CHD4: variants seen among roughly 807,000 people sequenced by gnomAD.
CHD4 encodes the protein chromodomain helicase DNA binding protein 4, also known as ATP-dependent chromatin remodeler CHD4.
In CHD4, 35 loss-of-function variants were observed where a neutral mutation model predicts 235.5. That is an observed-to-expected ratio of 0.15 (90% CI 0.11 to 0.20). CHD4 has a LOEUF of 0.20. Ranked by LOEUF, CHD4 falls within the 10% of genes least tolerant of loss-of-function variation. The pLI is 1.00. For missense variants in CHD4, 1,329 were observed against 2,432.3 expected, an observed-to-expected ratio of 0.55 and a Z score of 9.54; for synonymous variants, 900 against 850.2, an observed-to-expected ratio of 1.06 and a Z score of -1.02.
chr12:6,578,806 G>T, intron 34 of CHD4, 40 bp downstream of exon 34: 1 of 1,589,730 alleles, frequency 6.3e-7, no homozygotes, highest in Non-Finnish European at 8.6e-7. Context: ...TCTGGTTTTA[G>T]AGTTCTTCTG....
At chr12:6,577,433 A>AC (rs1404894703) in intron 37 of CHD4, among the ~76,000 whole-genome samples, 5 of 149,554 alleles carry the variant, frequency 3.3e-5, no homozygotes, top group Non-Finnish European at 7.5e-5. Flanking sequence ...AAAAAAAAAA[A>AC]AAAAAACAAC....
chr12:6,575,808 C>T (rs900237878), intron 37 of CHD4, among the ~76,000 whole-genome samples: 1 of 152,186 alleles, frequency 6.6e-6, no homozygotes, highest in Admixed American at 6.5e-5. Flanking sequence ...CTCGTTCCAA[C>T]CTACCTCCCA....
chr12:6,578,297 T>C, intron 35 of CHD4, 112 bp downstream of exon 35: 1 of 1,427,086 alleles, frequency 7.0e-7, no homozygotes, highest in Non-Finnish European at 9.7e-7. Context: ...CAGTTTGGCA[T>C]TCCCTCATCA....
At position 6,593,308 on chromosome 12, in the gene CHD4, T is replaced by C. The variant is rs1341936152; in HGVS notation, c.2515-80A>G. On this transcript the variant is annotated intron_variant, in intron 16 of 39. Coordinates refer to ENST00000544040, the MANE Select transcript of CHD4 (RefSeq NM_001273.5). The surrounding 1 kb of genome is among the most constrained non-coding windows in gnomAD (Gnocchi z 4.9). ...CCAGGAGACTGATGGAATGTTTTCC[T>C]CCTCCCAGGGTTACCCTTTTGCCTC... 1.1e-5 allele frequency: 18 copies of C among 1,604,170 alleles called. 1 individual carries two copies. In the Admixed American group the frequency reaches 3.0e-4, roughly 27 times the overall value.
At position 6,588,331 on chromosome 12, in the gene CHD4, A is replaced by G; in HGVS notation, c.3432T>C (p.Tyr1144=). The change falls in exon 23 of 40, where the codon TAT becomes TAC. Residue 1144 remains tyrosine (Y), a synonymous_variant. Transcript: ENST00000544040. ...NLATADTVII[Y]DSDWNPHNDI... ...CATTATGGGGGTTCCAGTCAGAGTC[A>G]TAGATAATAACTGTGTCAGCAGTGG... The G allele has an allele frequency of 1.2e-6, 2 of 1,614,194 alleles. No individual in the cohort carries two copies. The highest frequency in any genetic ancestry group is 1.7e-5 in the Admixed American group (1 of 60,020).
chr12:6,579,770 A>T (rs1253800888), intron 33 of CHD4, among the ~76,000 whole-genome samples: 3 of 146,236 alleles, frequency 2.1e-5, no homozygotes, highest in South Asian at 2.2e-4. Flanking sequence ...AAAAAAAAAA[A>T]TTTTGGCCAG....
Position 6,600,253 on chromosome 12 carries a change from C to T in CHD4, c.1206G>A (p.Glu402=). The change falls in exon 9 of 40, where the codon GAG becomes GAA. Residue 402 remains glutamate, a synonymous_variant. Transcript: ENST00000544040. Reference sequence around the variant, plus strand: ...AGCTCCACTTGCCCTCGGGAGCCTTCTCCATGTCGGGATCCAGGCAGACCA... The same window carrying T: ...AGCTCCACTTGCCCTCGGGAGCCTTTTCCATGTCGGGATCCAGGCAGACCA... The part of the protein sequence containing the change: ...YHMVCLDPDM[E]KAPEGKWSCP... 1 of 1,614,182 alleles carries T rather than the reference C, an allele frequency of 6.2e-7. No homozygotes were observed. The highest frequency in any genetic ancestry group is 1.1e-5 in the South Asian group (1 of 91,084).
intron 10 of CHD4, 105 bp from the exon 11 acceptor site, chr12:6,598,530 AC>A: frequency 9.9e-7 from 1 of 1,006,734 alleles, no homozygotes; most frequent in Non-Finnish European, 1.4e-6. Flanking sequence ...CTCATTTCAG[AC>A]CTGGAGCAGT....
intron 3 of CHD4, 70 bp downstream of exon 3, chr12:6,602,306 G>C: frequency 6.2e-7 from 1 of 1,606,476 alleles, no homozygotes; most frequent in Non-Finnish European, 8.5e-7. Flanking sequence ...AATGCCCTCA[G>C]CCCTTCAACC....
chr12:6,576,995 A>G (rs1948083007), intron 37 of CHD4, among the ~76,000 whole-genome samples: 1 of 151,568 alleles, frequency 6.6e-6, no homozygotes, highest in Non-Finnish European at 1.5e-5. Context: ...GGAGTGCCGT[A>G]GCACGATCTC....
intron 22 of CHD4, among the ~76,000 whole-genome samples, chr12:6,588,652 C>G (rs1374943402): frequency 6.6e-6 from 1 of 152,054 alleles, no homozygotes; most frequent in Non-Finnish European, 1.5e-5. Context: ...GTGGTATACA[C>G]CTGTAATCCC....
intron 2 of CHD4, among the ~76,000 whole-genome samples, chr12:6,605,380 T>C (rs1424633765): frequency 1.3e-5 from 2 of 152,210 alleles, no homozygotes; most frequent in African/African-American, 4.8e-5. Context: ...GAAAGACATC[T>C]GCTTAGGGGC....
intron 22 of CHD4, among the ~76,000 whole-genome samples, chr12:6,590,944 G>A (rs1206547224): frequency 3.3e-5 from 5 of 151,944 alleles, no homozygotes; most frequent in Admixed American, 2.6e-4. Context: ...CCAACATGGT[G>A]AAACCACATC....
intron 19 of CHD4, 64 bp downstream of exon 19, chr12:6,592,329 T>A (rs1011523417): frequency 3.3e-6 from 5 of 1,517,322 alleles, no homozygotes; most frequent in Non-Finnish European, 4.4e-6. Context: ...GGGGGAGGAA[T>A]AGGAAACACT....
chr12:6,586,352 G>A (rs1472761393), intron 25 of CHD4, among the ~76,000 whole-genome samples: 1 of 152,106 alleles, frequency 6.6e-6, no homozygotes, highest in Admixed American at 6.5e-5. Context: ...AGTGAGCCAA[G>A]ATCGCACCAC....
intron 25 of CHD4, chr12:6,587,120 A>T (rs116233002): frequency 4.1e-5 from 19 of 465,796 alleles, no homozygotes; most frequent in African/African-American, 3.8e-4. Context: ...TTAATAAAAC[A>T]CATAGGAGAA....
chr12:6,588,304 G>A lies in CHD4; in HGVS notation c.3459C>T (p.Asp1153=). The change falls in exon 23 of 40, where the codon GAC becomes GAT. Residue 1153 remains aspartate, a synonymous_variant. Transcript: ENST00000544040. ...IYDSDWNPHN[D]IQAFSRAHRI... is the part of the protein sequence containing the mutation. ...GCCTGCTGCCTCTGCTCACCTGAAT[G>A]TCATTATGGGGGTTCCAGTCAGAGT... is the stretch of plus-strand genomic sequence containing the variant. 2 of 1,613,838 alleles carry A rather than the reference G, an allele frequency of 1.2e-6. No homozygotes were observed. Among genetic ancestry groups the A allele is most frequent in the Non-Finnish European group, 1.7e-6 (2 of 1,179,834 alleles).
intron 12 of CHD4, 47 bp from the exon 13 acceptor site, chr12:6,596,184 T>C (rs757789818): frequency 6.2e-7 from 1 of 1,603,474 alleles, no homozygotes. Flanking sequence ...AAGGCAACCC[T>C]CCTCACTTCC....
Position 6,606,464 on chromosome 12 carries a change from G to T in CHD4, c.-78-13C>A, listed in dbSNP as rs191458955. On this transcript the variant is annotated splice_polypyrimidine_tract_variant and intron_variant, in intron 1 of 39. Coordinates refer to ENST00000544040, the MANE Select transcript of CHD4 (RefSeq NM_001273.5). ...CTGGCCCGAGTCACTGTGCGGGGGA[G>T]GGGGGAGAAACACAGAACAGTCAGT... 3 of 676,898 alleles carry T rather than the reference G, an allele frequency of 4.4e-6. No individual in the cohort carries two copies. Among genetic ancestry groups the T allele is most frequent in the East Asian group, 3.2e-5 (1 of 30,960 alleles). 41.9% of individuals were successfully genotyped at this position (676,898 alleles called of 1,614,324 possible). A position where few individuals can be genotyped will look rare whatever the true frequency, so the allele number is the denominator to read the frequency against.
Sources: allele counts gnomAD v4.1 joint callset (sites outside exome capture counted in the v4.1 genomes callset), GRCh38; gene constraint gnomAD v4.1.1; non-coding constraint Gnocchi (gnomAD v3.1); transcripts MANE v1.5; gene names NCBI Gene and HGNC (gene_info 2026-07-23, HGNC 2026-07-21).